The following MOB1B variants were observed in gnomAD, a reference collection of about 807,000 sequenced individuals.
MOB1B encodes the protein MOB1 Mps One Binder homolog B.
Under a neutral mutation model 24.4 loss-of-function variants are expected in MOB1B, and 19 were observed. That is an observed-to-expected ratio of 0.78 (90% confidence interval 0.54 to 1.14). The LOEUF (loss-of-function observed/expected upper bound fraction) is 1.14. Ranked by LOEUF, MOB1B falls within the 50% of genes most tolerant of loss-of-function variation. The pLI is 0.00. For missense variants in MOB1B, 243 were observed against 259.6 expected (o/e 0.94, Z 0.44); for synonymous variants, 76 against 82.1 (o/e 0.93, Z 0.40).
rs1739223848 is a variant in MOB1B at position 70,981,893 on chromosome 4, CA to C, written c.574-85del. On this transcript the variant is annotated intron_variant, in intron 5 of 5. Coordinates refer to ENST00000309395, the MANE Select transcript of MOB1B (RefSeq NM_173468.4). ...TTTATGTACTTCAAAAGCTAATTTC[CA>C]ACAAATGTTCATGGTAATTTACTTT... 3 of 898,100 alleles carry C rather than the reference CA, an allele frequency of 3.3e-6. No individual in the cohort carries two copies. In the South Asian group the frequency reaches 4.5e-5, roughly 13 times the overall value. 55.6% of individuals were successfully genotyped at this position (898,100 alleles called of 1,614,324 possible).
chr4:70,934,826 A>G (rs1001174559), intron 1 of MOB1B, among the ~76,000 whole-genome samples: 2 of 151,990 alleles, frequency 1.3e-5, no homozygotes, highest in African/African-American at 2.4e-5. Flanking sequence ...GTTTAATTTC[A>G]TATGTATTCA....
chr4:70,906,483 T>C (rs1169447769), intron 1 of MOB1B, among the ~76,000 whole-genome samples: 1 of 152,162 alleles, frequency 6.6e-6, no homozygotes, highest in Non-Finnish European at 1.5e-5. Flanking sequence ...TTCTGGTAAG[T>C]GTCCGTAAAT....
chr4:70,931,727 T>C (rs1736896449), intron 1 of MOB1B, among the ~76,000 whole-genome samples: 1 of 152,220 alleles, frequency 6.6e-6, no homozygotes, highest in African/African-American at 2.4e-5. Context: ...TTGAATTTTA[T>C]GACATTAAGA....
intron 1 of MOB1B, among the ~76,000 whole-genome samples, chr4:70,954,122 T>C (rs1384378743): frequency 6.6e-6 from 1 of 152,216 alleles, no homozygotes; most frequent in East Asian, 1.9e-4. Flanking sequence ...GTGACAGTTA[T>C]TTCTTTCTGA....
At chr4:70,965,394 A>T (rs1056697619) in intron 2 of MOB1B, among the ~76,000 whole-genome samples, 20 of 149,904 alleles carry the variant, frequency 1.3e-4, no homozygotes, top group Non-Finnish European at 2.4e-4. Context: ...TTAATATTTT[A>T]AAAATAATAT....
At chr4:70,903,234 A>G (rs1015750177) in intron 1 of MOB1B, among the ~76,000 whole-genome samples, 3 of 152,146 alleles carry the variant, frequency 2.0e-5, no homozygotes, top group African/African-American at 7.2e-5. Flanking sequence ...TTTTTAGACA[A>G]CCAGCAAATA....
chr4:70,933,235 C>T (rs981793253), intron 1 of MOB1B, among the ~76,000 whole-genome samples: 4 of 152,118 alleles, frequency 2.6e-5, no homozygotes, highest in Non-Finnish European at 5.9e-5. Context: ...GAACAGCAAG[C>T]GGGAAGTCCA....
At chr4:70,933,666 C>T (rs1300679029) in intron 1 of MOB1B, among the ~76,000 whole-genome samples, 2 of 151,128 alleles carry the variant, frequency 1.3e-5, no homozygotes, top group East Asian at 3.9e-4. Context: ...ATTCTCCTGC[C>T]TCAGCTTCCC....
intron 1 of MOB1B, among the ~76,000 whole-genome samples, chr4:70,935,847 A>ATTTTTTTTTTTTTTTT (rs11395356): frequency 3.0e-5 from 3 of 100,396 alleles, no homozygotes; most frequent in African/African-American, 1.2e-4. Flanking sequence ...TGGTACACTA[A>ATTTTTTTTTTTTTTTT]TTTTTTTTTT....
chr4:70,978,172 G>A (rs920294276), intron 4 of MOB1B, among the ~76,000 whole-genome samples: 4 of 152,132 alleles, frequency 2.6e-5, no homozygotes, highest in African/African-American at 9.7e-5. Flanking sequence ...TATAAGTGAG[G>A]TTATACAATA....
chr4:70,973,469 C>CAAAAAA (rs528813623), intron 3 of MOB1B, among the ~76,000 whole-genome samples: 2 of 49,408 alleles, frequency 4.0e-5, no homozygotes, highest in Non-Finnish European at 9.6e-5. Context: ...GACCCTGTCT[C>CAAAAAA]AAAAAAAAAA....
intron 1 of MOB1B, among the ~76,000 whole-genome samples, chr4:70,941,515 G>T (rs962824053): frequency 4.6e-5 from 7 of 151,980 alleles, no homozygotes; most frequent in African/African-American, 1.7e-4. Flanking sequence ...CTAATTTTTT[G>T]TATTTTTGGT....
chr4:70,987,139 A>G lies in MOB1B; in HGVS notation c.*5082A>G, dbSNP rs1267871778. 1 of 152,026 alleles carries G rather than the reference A, an allele frequency of 6.6e-6. No homozygotes were observed. Among genetic ancestry groups the G allele is most frequent in the East Asian group, 1.9e-4 (1 of 5,186 alleles). The allele number at this position is 152,026 out of a possible 1,614,324, so 9.4% of individuals were successfully genotyped here. On this transcript the variant is annotated 3_prime_UTR_variant, in exon 6 of 6. Transcript: ENST00000309395. Reference sequence around the variant, plus strand: ...GCTGATTTTGCAGGTCTTCATTGTTAGAGATTCTGAAGTATTTACTGTCAA... The same window carrying G: ...GCTGATTTTGCAGGTCTTCATTGTTGGAGATTCTGAAGTATTTACTGTCAA...
chr4:70,939,653 T>TG (rs1737247874), intron 1 of MOB1B, among the ~76,000 whole-genome samples: 16 of 151,990 alleles, frequency 1.1e-4, no homozygotes, highest in Admixed American at 9.8e-4. Context: ...GGGTGTGCGG[T>TG]CGGGGGTGTG....
intron 3 of MOB1B, among the ~76,000 whole-genome samples, chr4:70,973,412 G>T (rs1446841971): frequency 6.7e-6 from 1 of 149,456 alleles, no homozygotes; most frequent in Non-Finnish European, 1.5e-5. Context: ...CAAGGGTGCG[G>T]TGAGCTATGC....
intron 4 of MOB1B, among the ~76,000 whole-genome samples, chr4:70,977,611 T>A (rs1175366920): frequency 2.0e-5 from 3 of 152,218 alleles, no homozygotes; most frequent in Non-Finnish European, 4.4e-5. Flanking sequence ...TCATCTTACA[T>A]AGTTACCCTT....
chr4:70,949,573 A>G (rs1259330997), intron 1 of MOB1B, among the ~76,000 whole-genome samples: 2 of 152,186 alleles, frequency 1.3e-5, no homozygotes, highest in Non-Finnish European at 2.9e-5. Context: ...CTAAGTATTC[A>G]TATAAATTAG....
At chr4:70,949,137 T>C (rs1737695360) in intron 1 of MOB1B, among the ~76,000 whole-genome samples, 1 of 152,244 alleles carries the variant, frequency 6.6e-6, no homozygotes, top group African/African-American at 2.4e-5. Flanking sequence ...TCAGTCACTA[T>C]GTCTCATTAA....
intron 2 of MOB1B, 140 bp from the exon 3 acceptor site, chr4:70,969,791 A>G (rs1738681781): frequency 2.1e-6 from 1 of 482,476 alleles, no homozygotes; most frequent in Non-Finnish European, 3.6e-6. Context: ...ATTTCAATGT[A>G]TTGATACTTC....
Sources: gnomAD v4.1 joint callset for allele counts (sites outside exome capture counted in the v4.1 genomes callset) on GRCh38, gnomAD v4.1.1 for gene constraint, MANE v1.5 for transcripts, NCBI Gene and HGNC (gene_info 2026-07-23, HGNC 2026-07-21) for gene names.